Variants in IFNGR1 observed in about 807,000 individuals in gnomAD.
The protein encoded by IFNGR1 is AVP, type 2.
Under a neutral mutation model 35.4 loss-of-function variants are expected in IFNGR1, and 23 were observed. That is an observed-to-expected ratio of 0.65 (90% CI 0.47 to 0.92). The LOEUF (loss-of-function observed/expected upper bound fraction) is 0.92. IFNGR1 is among the 40% of genes least tolerant of loss of function. IFNGR1 has a pLI of 0.00. For synonymous variants in IFNGR1, 199 were observed against 209.5 expected (o/e 0.95, Z 0.43); for missense variants, 533 against 583.4 (o/e 0.91, Z 0.89).
At chr6:137,199,426 A>G (rs1482159904) in intron 6 of IFNGR1, among the ~76,000 whole-genome samples, 1 of 114,604 alleles carries the variant, frequency 8.7e-6, no homozygotes, top group East Asian at 2.3e-4. Flanking sequence ...ATATAAACAT[A>G]TAATTTATAA....
Position 137,204,009 on chromosome 6 carries a change from T to C in IFNGR1, c.546+323A>G, listed in dbSNP as rs529280846. ...AGCTGGTGGGAAACAGAAGTATTAA[T>C]ATTACTTTACGTCACCGCCAATGAG... is the stretch of plus-strand genomic sequence containing the variant. On this transcript the variant is annotated intron_variant, in intron 4 of 6. Coordinates refer to ENST00000367739, the MANE Select transcript of IFNGR1 (RefSeq NM_000416.3). 3.3e-5 allele frequency among the ~76,000 whole-genome samples: 5 copies of C among 152,322 alleles called. No homozygotes were observed. In the South Asian group the frequency reaches 1.0e-3, roughly 32 times the overall value.
intron 1 of IFNGR1, chr6:137,215,494 C>T: frequency 1.9e-6 from 1 of 535,602 alleles, no homozygotes; most frequent in Non-Finnish European, 3.0e-6. Context: ...AAAGGCACCC[C>T]TTTAATAAGA....
At chr6:137,207,657 T>C (rs1779471892) in intron 1 of IFNGR1, among the ~76,000 whole-genome samples, 1 of 152,210 alleles carries the variant, frequency 6.6e-6, no homozygotes, top group Non-Finnish European at 1.5e-5. Flanking sequence ...GTCCTCATTT[T>C]CTCTTGCTGC....
Position 137,198,270 on chromosome 6 carries a change from C to CATTTCTGGAGTGATCACTCTCAGAACA in IFNGR1, c.1204_1230dup (p.Cys402_Asn410dup), listed in dbSNP as rs137854905. On this transcript the variant is annotated inframe_insertion, in exon 7 of 7. Coordinates refer to ENST00000367739, the MANE Select transcript of IFNGR1 (RefSeq NM_000416.3). ...AGACAGCTGGAATCAGTATCAAAAC[C>CATTTCTGGAGTGATCACTCTCAGAACA]ATTTCTGGAGTGATCACTCTCAGAA... The CATTTCTGGAGTGATCACTCTCAGAACA allele has an allele frequency of 2.8e-4, 452 of 1,613,936 alleles. 2 individuals carry two copies. The African/African-American group carries it at 4.8e-3, about 17-fold the overall frequency.
At chr6:137,210,162 C>T (rs184815546) in intron 1 of IFNGR1, among the ~76,000 whole-genome samples, 69 of 152,068 alleles carry the variant, frequency 4.5e-4, no homozygotes, top group Admixed American at 7.2e-4. Context: ...ACCCTGTCTC[C>T]GCAAATAATT....
chr6:137,211,943 T>C (rs1447793526), intron 1 of IFNGR1, among the ~76,000 whole-genome samples: 4 of 152,174 alleles, frequency 2.6e-5, no homozygotes, highest in Non-Finnish European at 4.4e-5. Flanking sequence ...TCGGAGACCA[T>C]TTCTTCATTT....
chr6:137,208,544 GAA>G (rs1346777867), intron 1 of IFNGR1, among the ~76,000 whole-genome samples: 1 of 152,246 alleles, frequency 6.6e-6, no homozygotes, highest in Non-Finnish European at 1.5e-5. Context: ...AGCTGTGACT[GAA>G]AGAGGCCAAC....
intron 4 of IFNGR1, 46 bp downstream of exon 4, chr6:137,204,286 G>A: frequency 6.6e-7 from 1 of 1,512,244 alleles, no homozygotes; most frequent in Non-Finnish European, 9.2e-7. Context: ...AACAACTTTT[G>A]CTAGCTACAC....
At chr6:137,210,484 TG>T (rs1779548480) in intron 1 of IFNGR1, among the ~76,000 whole-genome samples, 2 of 152,152 alleles carry the variant, frequency 1.3e-5, no homozygotes, top group Non-Finnish European at 2.9e-5. Context: ...CTCACCTCCC[TG>T]GAACACTCTA....
intron 3 of IFNGR1, 151 bp downstream of exon 3, chr6:137,205,985 G>T: frequency 3.0e-6 from 2 of 662,554 alleles, no homozygotes; most frequent in Non-Finnish European, 5.2e-6. Flanking sequence ...TTCTAGACTT[G>T]GGATGCTCAA....
intron 6 of IFNGR1, among the ~76,000 whole-genome samples, chr6:137,199,566 TAA>T (rs1779227345): frequency 9.7e-6 from 1 of 103,112 alleles, no homozygotes; most frequent in South Asian, 2.6e-4. Context: ...AAAATATATA[TAA>T]TATATAATAT....
At chr6:137,215,409 TA>T in intron 1 of IFNGR1, 3 of 1,375,062 alleles carry the variant, frequency 2.2e-6, no homozygotes, top group Non-Finnish European at 3.0e-6. Context: ...TTAAAATGAA[TA>T]ATTTCTTAAA....
At chr6:137,215,437 A>C in intron 1 of IFNGR1, 1 of 1,057,166 alleles carries the variant, frequency 9.5e-7, no homozygotes, top group Non-Finnish European at 1.4e-6. Context: ...CAAGACCTAA[A>C]CAGATACCTA....
In IFNGR1 at chr6:137,198,032, C is replaced by A. The variant is rs1476852092; in HGVS notation, c.1469G>T (p.Ter490LeuextTer11). 2.5e-6 allele frequency: 4 copies of A among 1,613,958 alleles called. No individual in the cohort carries two copies. In the African/African-American group the frequency reaches 5.3e-5, roughly 22 times the overall value. The change falls in exon 7 of 7, where the codon TGA becomes TTA. Residue 490 changes from the stop codon to leucine (L), a stop_lost. Transcript: ENST00000367739. ...AAAGTTGGTGCAACTTAGCTGATCT[C>A]ATGAAAATTCTTTGGAATCTTCTGT... ...RPTEDSKEFS[*>L]
rs1466868447 is a variant in IFNGR1 at position 137,198,025 on chromosome 6, C to T, written c.*6G>A. 2 of 1,613,826 alleles carry T rather than the reference C, an allele frequency of 1.2e-6. No homozygotes were observed. The highest frequency in any genetic ancestry group is 2.2e-5 in the East Asian group (1 of 44,888). ...AGACTTCAAAGTTGGTGCAACTTAG[C>T]TGATCTCATGAAAATTCTTTGGAAT... On this transcript the variant is annotated 3_prime_UTR_variant, in exon 7 of 7. Coordinates refer to ENST00000367739, the MANE Select transcript of IFNGR1 (RefSeq NM_000416.3).
chr6:137,199,492 T>TAAAATATAATTTATAATATATTA (rs1562283275), intron 6 of IFNGR1, among the ~76,000 whole-genome samples: 24 of 102,294 alleles, frequency 2.3e-4, no homozygotes, highest in African/African-American at 8.8e-4. Flanking sequence ...TTATAATATA[T>TAAAATATAATTTATAATATATTA]TATATAAAAT....
At chr6:137,203,396 T>C in intron 5 of IFNGR1, 103 bp downstream of exon 5, 2 of 738,946 alleles carry the variant, frequency 2.7e-6, no homozygotes, top group Non-Finnish European at 2.5e-6. Flanking sequence ...TGAATATTGT[T>C]AAAACAGATC....
chr6:137,206,679 T>G (rs1239700508), intron 2 of IFNGR1: 1 of 429,212 alleles, frequency 2.3e-6, no homozygotes, highest in African/African-American at 2.0e-5. Flanking sequence ...ATTGTTCTAC[T>G]AAAAATACAC....
chr6:137,197,999 C>G lies in IFNGR1; in HGVS notation c.*32G>C, dbSNP rs774440311. 9 of 1,613,174 alleles carry G rather than the reference C, an allele frequency of 5.6e-6. No homozygotes were observed. Among genetic ancestry groups the G allele is most frequent in the Non-Finnish European group, 7.6e-6 (9 of 1,179,706 alleles). On this transcript the variant is annotated 3_prime_UTR_variant, in exon 7 of 7. Coordinates refer to ENST00000367739, the MANE Select transcript of IFNGR1 (RefSeq NM_000416.3). Reference sequence around the variant, plus strand: ...AAAGCAGAAAACTGTCCAGGAAAATCAGACTTCAAAGTTGGTGCAACTTAG... The same window carrying G: ...AAAGCAGAAAACTGTCCAGGAAAATGAGACTTCAAAGTTGGTGCAACTTAG...
Sources: gnomAD v4.1 joint callset for allele counts (sites outside exome capture counted in the v4.1 genomes callset) on GRCh38, gnomAD v4.1.1 for gene constraint, MANE v1.5 for transcripts, NCBI Gene and HGNC (gene_info 2026-07-23, HGNC 2026-07-21) for gene names.